GMDS: variants seen among roughly 807,000 people sequenced by gnomAD.
GMDS encodes GDP-mannose 4,6 dehydratase.
A neutral mutation model predicts 49.9 loss-of-function variants in GMDS; 20 were observed. The observed-to-expected ratio is 0.40, with a 90% confidence interval of 0.28 to 0.58. The LOEUF (loss-of-function observed/expected upper bound fraction) is 0.58, where lower values mean the gene tolerates loss of function less well. Among genes scored for constraint, GMDS ranks in the 20% least tolerant of loss-of-function variants. The pLI, the probability that GMDS is intolerant of heterozygous loss-of-function variation, is 0.42. For missense variants in GMDS, 362 were observed against 481.4 expected, an observed-to-expected ratio of 0.75 and a Z score of 2.32; for synonymous variants, 177 against 178.6, an observed-to-expected ratio of 0.99 and a Z score of 0.07.
intron 7 of GMDS, among the ~76,000 whole-genome samples, chr6:1,859,873 C>T (rs1758104511): frequency 6.6e-6 from 1 of 152,108 alleles, no homozygotes. Context: ...TATTTAATGC[C>T]TTCAAACATA....
At position 2,048,562 on chromosome 6, in the gene GMDS, T is replaced by C. The variant is rs1264635253; in HGVS notation, c.345+67209A>G. Among the ~76,000 whole-genome samples, 3 of 152,236 alleles carry C rather than the reference T, an allele frequency of 2.0e-5. No individual in the cohort carries two copies. In the East Asian group the frequency reaches 5.8e-4, roughly 29 times the overall value. ...ATATATTTTGTAATCAACTTATCAA[T>C]TTACATATTCACATATGCATCTGCT... On this transcript the variant is annotated intron_variant, in intron 4 of 10. Coordinates refer to ENST00000380815, the MANE Select transcript of GMDS (RefSeq NM_001500.4).
intron 1 of GMDS, among the ~76,000 whole-genome samples, chr6:2,226,166 CT>C (rs1173033373): frequency 3.3e-5 from 5 of 152,216 alleles, no homozygotes; most frequent in Admixed American, 2.6e-4. Context: ...TTTTCACTCT[CT>C]TCTGGACACT....
intron 7 of GMDS, among the ~76,000 whole-genome samples, chr6:1,771,739 G>A (rs1385090312): frequency 6.6e-6 from 1 of 152,198 alleles, no homozygotes; most frequent in Non-Finnish European, 1.5e-5. Context: ...ATAAGAAGTG[G>A]TCCAACTGAA....
Position 1,944,362 on chromosome 6 carries a change from A to G in GMDS, c.644-14132T>C, listed in dbSNP as rs941753940. On this transcript the variant is annotated intron_variant, in intron 6 of 10. Coordinates refer to ENST00000380815, the MANE Select transcript of GMDS (RefSeq NM_001500.4). ...TCTACTAAAAATACAAAAATTAGAC[A>G]GGCGTGGTGGCGGGCGCCTGTAGTC... Among the ~76,000 whole-genome samples the G allele has an allele frequency of 9.9e-5, 15 of 152,106 alleles. No homozygotes were observed. The South Asian group carries it at 1.5e-3, about 15-fold the overall frequency.
Position 1,833,398 on chromosome 6 carries a change from A to C in GMDS, c.772-90812T>G, listed in dbSNP as rs1289159940. On this transcript the variant is annotated intron_variant, in intron 7 of 10. Transcript: ENST00000380815. This position sits in a 1 kb window ranked among gnomAD's most constrained non-coding sequence, Gnocchi z 4.4. ...AGAACAGCATCTGTCCTCAGAGACC[A>C]AGCAGAGTGATTCACTATTTCATGG... Among the ~76,000 whole-genome samples the C allele has an allele frequency of 1.3e-5, 2 of 151,998 alleles. No homozygotes were observed. The highest frequency in any genetic ancestry group is 6.6e-5 in the Admixed American group (1 of 15,246).
chr6:2,243,626 C>T (rs530598327), intron 1 of GMDS, among the ~76,000 whole-genome samples: 1 of 152,072 alleles, frequency 6.6e-6, no homozygotes, highest in South Asian at 2.1e-4. Context: ...TGTCTTACTG[C>T]CTCAATTCAA....
At chr6:1,664,902 C>T (rs1213430959) in intron 9 of GMDS, among the ~76,000 whole-genome samples, 2 of 152,126 alleles carry the variant, frequency 1.3e-5, no homozygotes, top group South Asian at 2.1e-4. Flanking sequence ...AACATATTCA[C>T]GTCACTATTG....
At chr6:1,975,125 T>C (rs17134557) in intron 4 of GMDS, among the ~76,000 whole-genome samples, 22,305 of 151,972 alleles carry the variant, frequency 0.15, 1,702 homozygotes, top group East Asian at 0.21. Flanking sequence ...ATCATTTTCA[T>C]AGTGAAAAAT....
In GMDS at chr6:2,180,707, A is replaced by T. The variant is rs899116429; in HGVS notation, c.103-55976T>A. Among the ~76,000 whole-genome samples the T allele has an allele frequency of 7.9e-5, 12 of 152,188 alleles. 1 individual carries two copies. Among genetic ancestry groups the T allele is most frequent in the Non-Finnish European group, 1.8e-4 (12 of 68,026 alleles). On this transcript the variant is annotated intron_variant, in intron 1 of 10. Coordinates refer to ENST00000380815, the MANE Select transcript of GMDS (RefSeq NM_001500.4). ...GAACAAATAATAGCTAATGTGAACAAATCCTCCCATTAATTCCAAAGAATT... is the reference window on the plus strand; with the variant it reads ...GAACAAATAATAGCTAATGTGAACATATCCTCCCATTAATTCCAAAGAATT...
chr6:1,865,944 C>G (rs556537253), intron 7 of GMDS, among the ~76,000 whole-genome samples: 1 of 152,288 alleles, frequency 6.6e-6, no homozygotes, highest in South Asian at 2.1e-4. Context: ...CCTACCAACA[C>G]AGAAAAACAC....
At chr6:2,076,445 A>G (rs1772345069) in intron 4 of GMDS, among the ~76,000 whole-genome samples, 1 of 152,218 alleles carries the variant, frequency 6.6e-6, no homozygotes, top group African/African-American at 2.4e-5. Flanking sequence ...GAGAGCCCAC[A>G]TTGCCAAGCC....
intron 9 of GMDS, among the ~76,000 whole-genome samples, chr6:1,693,842 C>A (rs1401266750): frequency 6.6e-6 from 1 of 152,172 alleles, no homozygotes; most frequent in African/African-American, 2.4e-5. Flanking sequence ...TATGTACCCT[C>A]CAAGTAGGCT....
chr6:1,888,038 G>A (rs1472861003), intron 7 of GMDS, among the ~76,000 whole-genome samples: 3 of 151,860 alleles, frequency 2.0e-5, no homozygotes, highest in South Asian at 2.1e-4. Flanking sequence ...AGCCTTGACC[G>A]CCTGGGCTAA....
intron 7 of GMDS, among the ~76,000 whole-genome samples, chr6:1,749,102 T>C (rs1459597906): frequency 6.6e-6 from 1 of 152,132 alleles, no homozygotes; most frequent in Non-Finnish European, 1.5e-5. Flanking sequence ...ACCAACTTCA[T>C]TGCACGCTTT....
At chr6:1,781,159 A>G (rs1278840744) in intron 7 of GMDS, among the ~76,000 whole-genome samples, 1 of 151,840 alleles carries the variant, frequency 6.6e-6, no homozygotes, top group Non-Finnish European at 1.5e-5. Context: ...GACCAACAGT[A>G]AGAAAATGGC....
chr6:2,023,354 C>G (rs569725871), intron 4 of GMDS, among the ~76,000 whole-genome samples: 6 of 152,306 alleles, frequency 3.9e-5, no homozygotes, highest in African/African-American at 1.2e-4. Context: ...GTCTCTTCCT[C>G]GTAACAACTA....
chr6:1,905,490 C>T (rs1416830961), intron 7 of GMDS, among the ~76,000 whole-genome samples: 1 of 146,812 alleles, frequency 6.8e-6, no homozygotes, highest in African/African-American at 2.6e-5. Context: ...GGTGCCTGTG[C>T]ATCTGCATGT....
At chr6:1,661,396 T>C (rs1423577204) in intron 9 of GMDS, among the ~76,000 whole-genome samples, 1 of 152,204 alleles carries the variant, frequency 6.6e-6, no homozygotes, top group African/African-American at 2.4e-5. Context: ...CAAAGCTCAC[T>C]ACAAACATTA....
At chr6:2,164,510 G>A (rs1777562537) in intron 1 of GMDS, among the ~76,000 whole-genome samples, 1 of 152,182 alleles carries the variant, frequency 6.6e-6, no homozygotes, top group African/African-American at 2.4e-5. Context: ...AAACAGGGGT[G>A]GAGAGGCTAC....
Sources: gnomAD v4.1 joint callset for allele counts (sites outside exome capture counted in the v4.1 genomes callset) on GRCh38, gnomAD v4.1.1 for gene constraint, Gnocchi (gnomAD v3.1) non-coding constraint, MANE v1.5 for transcripts, NCBI Gene and HGNC (gene_info 2026-07-23, HGNC 2026-07-21) for gene names.